The following COG5 variants were observed in gnomAD, a reference collection of about 807,000 sequenced individuals.
The protein encoded by COG5 is component of oligomeric golgi complex 5.
A neutral mutation model predicts 110.4 loss-of-function variants in COG5; 86 were observed. That is an observed-to-expected ratio of 0.78 (90% CI 0.65 to 0.93). COG5 has a LOEUF of 0.93. Among genes scored for constraint, COG5 ranks in the 40% least tolerant of loss-of-function variants. The pLI is 0.00. For synonymous variants in COG5, 360 were observed against 334.6 expected, an observed-to-expected ratio of 1.08 and a Z score of -0.83; for missense variants, 1,077 against 987.0, an observed-to-expected ratio of 1.09 and a Z score of -1.22.
At chr7:107,261,355 A>G (rs1803333210) in intron 14 of COG5, among the ~76,000 whole-genome samples, 1 of 152,130 alleles carries the variant, frequency 6.6e-6, no homozygotes, top group Non-Finnish European at 1.5e-5. Context: ...AGGAACGTGC[A>G]TAATTTGTTT....
intron 6 of COG5, among the ~76,000 whole-genome samples, chr7:107,484,978 G>GA (rs1797572322): frequency 6.6e-6 from 1 of 152,082 alleles, no homozygotes; most frequent in African/African-American, 2.4e-5. Flanking sequence ...TGGCCTCTAG[G>GA]TTTTCTAGTA....
Position 107,452,281 on chromosome 7 carries a change from C to A in COG5, c.539-39649G>T, listed in dbSNP as rs139945086. On this transcript the variant is annotated intron_variant, in intron 6 of 21. Coordinates refer to ENST00000297135, the MANE Select transcript of COG5 (RefSeq NM_006348.5). The stretch of plus-strand genomic sequence containing the variant: ...AAATACAAGTCGGATTACATTACTC[C>A]CTTGGAGTCATCAATGCTCTCCTGT... 5.5e-4 allele frequency among the ~76,000 whole-genome samples: 84 copies of A among 152,238 alleles called. No individual in the cohort carries two copies. The East Asian group carries it at 0.015, about 27-fold the overall frequency.
At chr7:107,220,477 A>T (rs992788174) in intron 19 of COG5, among the ~76,000 whole-genome samples, 4 of 152,064 alleles carry the variant, frequency 2.6e-5, no homozygotes, top group African/African-American at 9.7e-5. Flanking sequence ...CTGGAAACTG[A>T]CTCTGGGTTG....
chr7:107,494,753 T>C (rs1262431044), intron 6 of COG5, among the ~76,000 whole-genome samples: 1 of 152,154 alleles, frequency 6.6e-6, no homozygotes, highest in Non-Finnish European at 1.5e-5. Flanking sequence ...TACTTTTAAT[T>C]ATAGAAATTG....
intron 11 of COG5, among the ~76,000 whole-genome samples, chr7:107,307,308 T>C (rs1266911149): frequency 1.3e-5 from 2 of 152,332 alleles, no homozygotes; most frequent in East Asian, 3.9e-4. Flanking sequence ...GACCCCATTC[T>C]TTCCTGTATT....
intron 17 of COG5, among the ~76,000 whole-genome samples, chr7:107,237,573 A>G (rs1270589471): frequency 6.6e-6 from 1 of 152,238 alleles, no homozygotes; most frequent in Non-Finnish European, 1.5e-5. Context: ...CAAGAGAATG[A>G]GTTGAACTTA....
chr7:107,524,877 T>C (rs1800612833), intron 6 of COG5, among the ~76,000 whole-genome samples: 1 of 152,206 alleles, frequency 6.6e-6, no homozygotes, highest in African/African-American at 2.4e-5. Context: ...CACTGCATTA[T>C]ACTAACTCAG....
chr7:107,317,093 C>CA (rs972693482), intron 11 of COG5, among the ~76,000 whole-genome samples: 8 of 152,010 alleles, frequency 5.3e-5, no homozygotes, highest in African/African-American at 1.7e-4. Context: ...TCTGAAACAA[C>CA]AAAAAATACA....
intron 6 of COG5, among the ~76,000 whole-genome samples, chr7:107,494,185 AAG>A (rs1282122706): frequency 6.6e-6 from 1 of 152,194 alleles, no homozygotes; most frequent in Non-Finnish European, 1.5e-5. Context: ...ATTGTTATCA[AAG>A]TGATTTAAAT....
intron 8 of COG5, among the ~76,000 whole-genome samples, chr7:107,363,973 T>C (rs1218270606): frequency 6.6e-6 from 1 of 151,720 alleles, no homozygotes; most frequent in African/African-American, 2.4e-5. Context: ...AAAAAAAAGT[T>C]ATTGAGAACA....
At chr7:107,288,907 G>GATATATATATAT (rs60313728) in intron 12 of COG5, among the ~76,000 whole-genome samples, 8 of 94,142 alleles carry the variant, frequency 8.5e-5, no homozygotes, top group Admixed American at 1.3e-4. Context: ...TTCTAACAGA[G>GATATATATATAT]ATATATATAT....
rs1798388436 is a variant in COG5, at chr7:107,202,290, T to A, written c.*1226A>T. On this transcript the variant is annotated 3_prime_UTR_variant, in exon 22 of 22. Transcript: ENST00000297135. Reference sequence around the variant, plus strand: ...CTTACTGCAGTGCAACACTTGCACTTTAATTTTCCTCCAACTGTCTAAAAT... The same window carrying A: ...CTTACTGCAGTGCAACACTTGCACTATAATTTTCCTCCAACTGTCTAAAAT... 6.6e-6 allele frequency: 1 copy of A among 152,652 alleles called. No individual in the cohort carries two copies. The highest frequency in any genetic ancestry group is 1.9e-4 in the East Asian group (1 of 5,204). 9.5% of individuals were successfully genotyped at this position (152,652 alleles called of 1,614,324 possible). A position where few individuals can be genotyped will look rare whatever the true frequency, so the allele number is the denominator to read the frequency against.
At chr7:107,371,450 T>G (rs58090065) in intron 8 of COG5, among the ~76,000 whole-genome samples, 1 of 151,814 alleles carries the variant, frequency 6.6e-6, no homozygotes, top group African/African-American at 2.4e-5. Context: ...AAATTAACAA[T>G]CTAAAAAAAA....
At chr7:107,416,863 T>C (rs1008073328) in intron 6 of COG5, among the ~76,000 whole-genome samples, 1 of 152,184 alleles carries the variant, frequency 6.6e-6, no homozygotes, top group Non-Finnish European at 1.5e-5. Context: ...GGTAACTGGA[T>C]AAAAGCTTTT....
rs1332288866 is a variant in COG5, at chr7:107,480,428, T to A, written c.538+46809A>T. 3.3e-5 allele frequency among the ~76,000 whole-genome samples: 5 copies of A among 152,206 alleles called. No homozygotes were observed. The South Asian group carries it at 1.0e-3, about 32-fold the overall frequency. ...CCCACTCAGGGACTGCAGTGAACTC[T>A]AAGAAAGTTAAAAATGAGTTGACCA... is the stretch of plus-strand genomic sequence containing the variant. On this transcript the variant is annotated intron_variant, in intron 6 of 21. Transcript: ENST00000297135.
intron 21 of COG5, chr7:107,207,979 A>T (rs1015792865): frequency 2.0e-6 from 2 of 985,466 alleles, no homozygotes; most frequent in African/African-American, 3.5e-5. Flanking sequence ...CCAGAAGCTA[A>T]AACAAATTTA....
chr7:107,541,166 A>G (rs1801955162), intron 5 of COG5, among the ~76,000 whole-genome samples: 1 of 150,022 alleles, frequency 6.7e-6, no homozygotes, highest in Admixed American at 6.7e-5. Flanking sequence ...AAAAAAAAAA[A>G]TTTATAAACA....
chr7:107,406,553 A>C (rs1328749369), intron 7 of COG5, among the ~76,000 whole-genome samples: 1 of 152,154 alleles, frequency 6.6e-6, no homozygotes, highest in Middle Eastern at 3.2e-3. Flanking sequence ...AATGTGCACA[A>C]GACAATAAAA....
At chr7:107,559,868 T>C (rs774468201) in intron 1 of COG5, among the ~76,000 whole-genome samples, 1 of 152,226 alleles carries the variant, frequency 6.6e-6, no homozygotes, top group Admixed American at 6.5e-5. Context: ...GTCTAAATCA[T>C]AGCACATGTA....
Sources: allele counts gnomAD v4.1 joint callset (sites outside exome capture counted in the v4.1 genomes callset), GRCh38; gene constraint gnomAD v4.1.1; transcripts MANE v1.5; gene names NCBI Gene and HGNC (gene_info 2026-07-23, HGNC 2026-07-21).